Variants in DTWD2 observed in about 807,000 individuals in gnomAD.
The protein encoded by DTWD2 is tRNA-uridine aminocarboxypropyltransferase 2.
DTWD2 carries 39 observed loss-of-function variants against 31.8 expected under a neutral mutation model. The observed-to-expected ratio is 1.22, with a 90% confidence interval of 0.95 to 1.60. The LOEUF is 1.60. Among genes scored for constraint, DTWD2 ranks in the 40% most tolerant of loss-of-function variants. DTWD2 has a pLI of 0.00. For missense variants in DTWD2, 515 were observed against 381.5 expected, an observed-to-expected ratio of 1.35 and a Z score of -2.92; for synonymous variants, 180 against 142.8, an observed-to-expected ratio of 1.26 and a Z score of -1.86.
At chr5:118,907,227 C>A (rs1753352921) in intron 4 of DTWD2, among the ~76,000 whole-genome samples, 2 of 152,170 alleles carry the variant, frequency 1.3e-5, no homozygotes, top group Admixed American at 1.3e-4. Flanking sequence ...AACTAGCTGA[C>A]CCTAATTAGG....
chr5:118,836,499 A>T lies in DTWD2; in HGVS notation c.*4418T>A, dbSNP rs1441355686. 6.6e-6 allele frequency among the ~76,000 whole-genome samples: 1 copy of T among 152,154 alleles called. No homozygotes were observed. The highest frequency in any genetic ancestry group is 1.5e-5 in the Non-Finnish European group (1 of 68,038). ...TGATCTACCCACCTCGGCCTCCCAA[A>T]GTGCTGGAATTACAGATGTGAGCCA... is the stretch of plus-strand genomic sequence containing the variant. On this transcript the variant is annotated 3_prime_UTR_variant, in exon 6 of 6. Transcript: ENST00000510708.
At chr5:118,850,356 T>C (rs1057101534) in intron 4 of DTWD2, among the ~76,000 whole-genome samples, 1 of 143,306 alleles carries the variant, frequency 7.0e-6, no homozygotes, top group African/African-American at 2.6e-5. Context: ...CATGCGCCTA[T>C]AATCCCAGCT....
intron 4 of DTWD2, among the ~76,000 whole-genome samples, chr5:118,869,306 G>A (rs746994903): frequency 2.0e-5 from 3 of 152,152 alleles, no homozygotes; most frequent in African/African-American, 7.2e-5. Context: ...GTGAGTGGAT[G>A]GGATCTGATT....
At chr5:118,931,380 C>T (rs1186994181) in intron 3 of DTWD2, among the ~76,000 whole-genome samples, 1 of 125,328 alleles carries the variant, frequency 8.0e-6, no homozygotes, top group African/African-American at 3.2e-5. Context: ...GCTTGAGCAA[C>T]AGAACGAGAC....
At chr5:118,861,770 T>C (rs75480471) in intron 4 of DTWD2, among the ~76,000 whole-genome samples, 6,039 of 151,784 alleles carry the variant, frequency 0.04, 407 homozygotes, top group African/African-American at 0.14. Context: ...TAAACGCAAA[T>C]AAATAATAGT....
At chr5:118,906,213 G>C (rs986038422) in intron 4 of DTWD2, among the ~76,000 whole-genome samples, 11 of 152,112 alleles carry the variant, frequency 7.2e-5, no homozygotes, top group Non-Finnish European at 1.2e-4. Flanking sequence ...TTGGAGATAA[G>C]AAGAAACAAG....
At chr5:118,863,935 T>G (rs1752324133) in intron 4 of DTWD2, among the ~76,000 whole-genome samples, 1 of 151,736 alleles carries the variant, frequency 6.6e-6, no homozygotes, top group Admixed American at 6.6e-5. Flanking sequence ...GATCTTACCC[T>G]TACACAATAT....
At chr5:118,951,285 G>A (rs114992413) in intron 1 of DTWD2, among the ~76,000 whole-genome samples, 3,744 of 152,182 alleles carry the variant, frequency 0.025, 163 homozygotes, top group African/African-American at 0.084. Context: ...GACCTGGCTC[G>A]GCCTGGCAAG....
At chr5:118,896,543 T>C (rs1580792890) in intron 4 of DTWD2, among the ~76,000 whole-genome samples, 1 of 151,546 alleles carries the variant, frequency 6.6e-6, no homozygotes, top group Admixed American at 6.6e-5. Context: ...CCAGAGAAGG[T>C]ATAGATAACA....
intron 4 of DTWD2, among the ~76,000 whole-genome samples, chr5:118,863,445 A>G (rs1002251494): frequency 3.9e-5 from 6 of 152,242 alleles, no homozygotes; most frequent in Non-Finnish European, 8.8e-5. Flanking sequence ...GTCCTTTCCT[A>G]TAAGAAGGAA....
At chr5:118,883,408 T>G (rs1343794625) in intron 4 of DTWD2, among the ~76,000 whole-genome samples, 3 of 152,210 alleles carry the variant, frequency 2.0e-5, no homozygotes, top group Non-Finnish European at 2.9e-5. Context: ...GTTACCAAAT[T>G]CCAAAGCTGC....
chr5:118,892,909 CTG>C (rs1753004674), intron 4 of DTWD2, among the ~76,000 whole-genome samples: 1 of 152,040 alleles, frequency 6.6e-6, no homozygotes, highest in South Asian at 2.1e-4. Flanking sequence ...GGTTGAATAA[CTG>C]TAGTTTATCC....
At chr5:118,987,571 C>T (rs931591704) in intron 1 of DTWD2, among the ~76,000 whole-genome samples, 2 of 152,174 alleles carry the variant, frequency 1.3e-5, no homozygotes, top group Admixed American at 6.5e-5. Context: ...TCCTTCACTG[C>T]TTTTTTCCCA....
chr5:118,952,243 C>A (rs747976729), intron 1 of DTWD2, among the ~76,000 whole-genome samples: 2 of 152,114 alleles, frequency 1.3e-5, no homozygotes, highest in Non-Finnish European at 2.9e-5. Context: ...AAGGGAGGTC[C>A]CCCAATCCGA....
At chr5:118,907,880 T>C (rs1451542605) in intron 4 of DTWD2, among the ~76,000 whole-genome samples, 1 of 152,170 alleles carries the variant, frequency 6.6e-6, no homozygotes, top group Admixed American at 6.5e-5. Context: ...AGCCCACCCA[T>C]ATTATGGCAG....
At chr5:118,910,079 A>G (rs1216120547) in intron 4 of DTWD2, among the ~76,000 whole-genome samples, 1 of 152,152 alleles carries the variant, frequency 6.6e-6, no homozygotes, top group East Asian at 1.9e-4. Flanking sequence ...GTGAACATTC[A>G]TTTAGCCATA....
At chr5:118,919,895 G>A (rs975867042) in intron 4 of DTWD2, among the ~76,000 whole-genome samples, 4 of 152,024 alleles carry the variant, frequency 2.6e-5, no homozygotes, top group African/African-American at 9.7e-5. Flanking sequence ...GCTTATACAT[G>A]TAAGATGTAG....
intron 4 of DTWD2, among the ~76,000 whole-genome samples, chr5:118,927,053 G>A (rs1435391395): frequency 1.3e-5 from 2 of 152,134 alleles, no homozygotes; most frequent in Non-Finnish European, 2.9e-5. Context: ...GTCCTCACAT[G>A]CAGAGAGAGA....
intron 3 of DTWD2, among the ~76,000 whole-genome samples, chr5:118,933,656 T>A (rs1168669574): frequency 6.6e-6 from 1 of 152,084 alleles, no homozygotes; most frequent in Non-Finnish European, 1.5e-5. Flanking sequence ...TGTCCTCAGT[T>A]TAGTAAAGAA....
Sources: gnomAD v4.1 joint callset for allele counts (sites outside exome capture counted in the v4.1 genomes callset) on GRCh38, gnomAD v4.1.1 for gene constraint, MANE v1.5 for transcripts, NCBI Gene and HGNC (gene_info 2026-07-23, HGNC 2026-07-21) for gene names.